The following MICOS13 variants were observed in gnomAD, a reference collection of about 807,000 sequenced individuals.
MICOS13 encodes MICOS complex subunit MIC13.
MICOS13 carries 15 observed loss-of-function variants against 16.1 expected under a neutral mutation model. That is an observed-to-expected ratio of 0.93 (90% confidence interval 0.62 to 1.44). The LOEUF is 1.44. Among genes scored for constraint, MICOS13 ranks in the 40% most tolerant of loss-of-function variants. The probability of loss-of-function intolerance (pLI) is 0.00; values close to 1 mark genes in which losing one functional copy is unlikely to be tolerated. For missense variants in MICOS13, 164 were observed against 155.0 expected (o/e 1.06, Z -0.31); for synonymous variants, 61 against 62.6 (o/e 0.97, Z 0.12).
chr19:5,680,124 G>C (rs1277911405), intron 1 of MICOS13: 2 of 1,536,044 alleles, frequency 1.3e-6, no homozygotes, highest in East Asian at 4.9e-5. Flanking sequence ...GTCACTCGCA[G>C]CTCCGAGCAC....
intron 1 of MICOS13, 198 bp downstream of exon 1, chr19:5,680,260 A>C (rs2145525031): frequency 6.3e-7 from 1 of 1,581,438 alleles, no homozygotes; most frequent in Non-Finnish European, 8.6e-7. Context: ...GCTGGGAAGC[A>C]GGAGGGAGGG....
At position 5,680,474 on chromosome 19, in the gene MICOS13, C is replaced by T. The variant is rs771755503; in HGVS notation, c.13G>A (p.Val5Met). The change falls in exon 1 of 4, where the codon GTG becomes ATG. Residue 5 changes from valine (V) to methionine (M), a missense_variant. By Grantham distance (21) the Val-to-Met change is conservative. Transcript: ENST00000309324. MVARVWSLMRFLIKG... is the reference protein window; with the variant it reads MVARMWSLMRFLIKG... Reference sequence around the variant, plus strand: ...CCCACGCACCTCATCAGCGACCACACCCGGGCCACCATGGTCGCTCGGATC... The same window carrying T: ...CCCACGCACCTCATCAGCGACCACATCCGGGCCACCATGGTCGCTCGGATC... 7 of 1,608,634 alleles carry T rather than the reference C, an allele frequency of 4.4e-6. No homozygotes were observed. Among genetic ancestry groups the T allele is most frequent in the Non-Finnish European group, 5.9e-6 (7 of 1,178,786 alleles).
chr19:5,678,940 G>A (rs1391235100), intron 3 of MICOS13: 6 of 378,496 alleles, frequency 1.6e-5, no homozygotes, highest in South Asian at 1.2e-4. Context: ...ATGGAGTCTC[G>A]CCCTGTCGCC....
Position 5,679,420 on chromosome 19 carries a change from A to G in MICOS13, c.208-24T>C, listed in dbSNP as rs199578989. On this transcript the variant is annotated intron_variant, in intron 2 of 3. Coordinates refer to ENST00000309324, the MANE Select transcript of MICOS13 (RefSeq NM_205767.3). ...AGCTGGGAAAAAGAGATGGGCAGAA[A>G]GAACTGGTGAAAAGGCTCAGCAGCC... 76 of 1,612,254 alleles carry G rather than the reference A, an allele frequency of 4.7e-5. No homozygotes were observed. The East Asian group carries it at 1.7e-3, about 35-fold the overall frequency.
chr19:5,679,072 C>T (rs1568292807), intron 3 of MICOS13: 1 of 441,584 alleles, frequency 2.3e-6, no homozygotes, highest in Non-Finnish European at 4.1e-6. Context: ...CCACCACGCA[C>T]GGTTAATTTT....
intron 3 of MICOS13, chr19:5,678,889 G>A (rs889546422): frequency 3.9e-5 from 18 of 465,820 alleles, no homozygotes; most frequent in South Asian, 3.3e-4. Context: ...CTACAAGTGC[G>A]CCACCATACC....
At position 5,679,335 on chromosome 19, in the gene MICOS13, G is replaced by A; in HGVS notation, c.259+10C>T. 1 of 1,612,006 alleles carries A rather than the reference G, an allele frequency of 6.2e-7. No homozygotes were observed. Among genetic ancestry groups the A allele is most frequent in the Non-Finnish European group, 8.5e-7 (1 of 1,178,770 alleles). On this transcript the variant is annotated intron_variant, in intron 3 of 3. Coordinates refer to ENST00000309324, the MANE Select transcript of MICOS13 (RefSeq NM_205767.3). Reference sequence around the variant, plus strand: ...TGTCTCCCTCCAAGCAAAGAAACTGGGTGCCTTACCTGCATTCCAGGAGTC... The same window carrying A: ...TGTCTCCCTCCAAGCAAAGAAACTGAGTGCCTTACCTGCATTCCAGGAGTC...
At position 5,679,568 on chromosome 19, in the gene MICOS13, G is replaced by T; in HGVS notation, c.207+18C>A. 2 of 1,605,990 alleles carry T rather than the reference G, an allele frequency of 1.2e-6. No individual in the cohort carries two copies. The highest frequency in any genetic ancestry group is 1.7e-6 in the Non-Finnish European group (2 of 1,176,976). On this transcript the variant is annotated intron_variant, in intron 2 of 3. Transcript: ENST00000309324. ...TGACCACCCGCCAAACCCTGGCCTC[G>T]TTCCCGGCCCGTAGTACCTGGGGTA...
At position 5,680,125 on chromosome 19, in the gene MICOS13, C is replaced by T; in HGVS notation, c.29+333G>A. The T allele has an allele frequency of 2.0e-6, 3 of 1,536,084 alleles. No homozygotes were observed. In the South Asian group the frequency reaches 3.6e-5, roughly 18 times the overall value. On this transcript the variant is annotated intron_variant, in intron 1 of 3. Transcript: ENST00000309324. The stretch of plus-strand genomic sequence containing the variant: ...GCCTCCTGCCCGCTGTCACTCGCAG[C>T]TCCGAGCACGCATTCACTTCTCATC...
chr19:5,678,635 C>T lies in MICOS13; in HGVS notation c.273G>A (p.Val91=). The T allele has an allele frequency of 1.9e-6, 3 of 1,539,198 alleles. No individual in the cohort carries two copies. The highest frequency in any genetic ancestry group is 1.4e-5 in the African/African-American group (1 of 72,580). ...AGGGGGCCACCGACAGAGCTGACAT[C>T]ACCGTCATGATGCCTGTGGGAAAGG... The part of the protein sequence containing the change: ...RDSWNAGIMT[V]MSALSVAPSK... The change falls in exon 4 of 4, where the codon GTG becomes GTA. Residue 91 remains valine (V), a synonymous_variant. Coordinates refer to ENST00000309324, the MANE Select transcript of MICOS13 (RefSeq NM_205767.3).
Position 5,679,793 on chromosome 19 carries a change from T to TGA in MICOS13, c.30-31_30-30insTC, listed in dbSNP as rs778731989. Reference sequence around the variant, plus strand: ...GGGCAGGGACGGGAGGAGCAGAAGCTCAGCGGACACTGACAGCCACCCTCA... The same window carrying TGA: ...GGGCAGGGACGGGAGGAGCAGAAGCTGACAGCGGACACTGACAGCCACCCTCA... On this transcript the variant is annotated intron_variant, in intron 1 of 3. Transcript: ENST00000309324. 1.9e-5 allele frequency: 29 copies of TGA among 1,558,676 alleles called. No individual in the cohort carries two copies. The Admixed American group carries it at 5.8e-4, about 31-fold the overall frequency.
chr19:5,680,026 C>G (rs753967992), intron 1 of MICOS13: 7 of 1,509,820 alleles, frequency 4.6e-6, no homozygotes, highest in Non-Finnish European at 6.2e-6. Context: ...CCACAGTGAG[C>G]AGGGGCAGTG....
chr19:5,679,808 A>G, intron 1 of MICOS13, 45 bp from the exon 2 acceptor site: 13 of 1,539,106 alleles, frequency 8.4e-6, no homozygotes, highest in Non-Finnish European at 1.0e-5. Flanking sequence ...GGACACTGAC[A>G]GCCACCCTCA....
chr19:5,678,728 TG>T, intron 3 of MICOS13, 80 bp from the exon 4 acceptor site: 7 of 1,006,330 alleles, frequency 7.0e-6, no homozygotes, highest in East Asian at 3.2e-5. Flanking sequence ...CTCTAGAGTT[TG>T]TTTTGGGCGG....
intron 3 of MICOS13, 62 bp downstream of exon 3, chr19:5,679,283 G>C: frequency 6.7e-7 from 1 of 1,502,256 alleles, no homozygotes; most frequent in Non-Finnish European, 9.2e-7. Flanking sequence ...GAATGGCCAG[G>C]AAGTGGGGAG....
Position 5,680,454 on chromosome 19 carries a change from G to A in MICOS13, c.29+4C>T, listed in dbSNP as rs372831926. ...CTCGGGTCCCCTCCGGCGCCCCCACGCACCTCATCAGCGACCACACCCGGG... is the reference window on the plus strand; with the variant it reads ...CTCGGGTCCCCTCCGGCGCCCCCACACACCTCATCAGCGACCACACCCGGG... On this transcript the variant is annotated splice_donor_region_variant and intron_variant, in intron 1 of 3. Coordinates refer to ENST00000309324, the MANE Select transcript of MICOS13 (RefSeq NM_205767.3). The A allele has an allele frequency of 1.9e-5, 31 of 1,612,706 alleles. No homozygotes were observed. In the African/African-American group the frequency reaches 3.9e-4, roughly 20 times the overall value.
intron 3 of MICOS13, chr19:5,679,100 T>TGGA (rs1344556205): frequency 2.1e-6 from 1 of 483,238 alleles, no homozygotes; most frequent in Non-Finnish European, 3.7e-6. Flanking sequence ...TTAGTAGAGA[T>TGGA]GGGGTTTCAC....
intron 1 of MICOS13, chr19:5,680,111 G>A (rs1401757117): frequency 2.0e-6 from 3 of 1,535,700 alleles, no homozygotes; most frequent in African/African-American, 1.4e-5. Flanking sequence ...CCTCCTGCCC[G>A]CTGTCACTCG....
At chr19:5,679,279 C>T (rs1423897657) in intron 3 of MICOS13, 66 bp downstream of exon 3, 3 of 1,488,518 alleles carry the variant, frequency 2.0e-6, no homozygotes. Flanking sequence ...AAAGGAATGG[C>T]CAGGAAGTGG....
Sources: allele counts gnomAD v4.1 joint callset, GRCh38; gene constraint gnomAD v4.1.1; transcripts MANE v1.5; gene names NCBI Gene and HGNC (gene_info 2026-07-23, HGNC 2026-07-21).